The following LIMS1 variants were observed in gnomAD, a reference collection of about 807,000 sequenced individuals.
The protein encoded by LIMS1 is LIM zinc finger domain containing 1.
In LIMS1, 18 loss-of-function variants were observed where a neutral mutation model predicts 44.1. The observed-to-expected ratio is 0.41, with a 90% confidence interval of 0.28 to 0.61. LIMS1 has a LOEUF of 0.61. Among genes scored for constraint, LIMS1 ranks in the 20% least tolerant of loss-of-function variants. The probability of loss-of-function intolerance (pLI) is 0.32; values close to 1 mark genes in which losing one functional copy is unlikely to be tolerated. For missense variants in LIMS1, 201 were observed against 422.0 expected, an observed-to-expected ratio of 0.48 and a Z score of 4.59; for synonymous variants, 93 against 149.1, an observed-to-expected ratio of 0.62 and a Z score of 2.74.
At chr2:108,677,737 C>T (rs891870678) in intron 7 of LIMS1, among the ~76,000 whole-genome samples, 2 of 152,192 alleles carry the variant, frequency 1.3e-5, no homozygotes, top group Admixed American at 6.5e-5. Context: ...CATATGGACT[C>T]ACAGATTTCT....
At chr2:108,552,190 GTA>G in intron 1 of LIMS1, among the ~76,000 whole-genome samples, 1 of 142,840 alleles carries the variant, frequency 7.0e-6, no homozygotes, top group African/African-American at 2.5e-5. Flanking sequence ...GTTTTATACA[GTA>G]TATATAAAAT....
chr2:108,649,481 A>AAATCATTATAAAT (rs1258660690), intron 1 of LIMS1, among the ~76,000 whole-genome samples: 1 of 152,220 alleles, frequency 6.6e-6, no homozygotes, highest in African/African-American at 2.4e-5. Context: ...CTGGGTATAT[A>AAATCATTATAAAT]CCCAAAGGAT....
chr2:108,566,445 A>G (rs1685291860), intron 1 of LIMS1, among the ~76,000 whole-genome samples: 1 of 152,152 alleles, frequency 6.6e-6, no homozygotes, highest in Non-Finnish European at 1.5e-5. Flanking sequence ...TAGATGAGGA[A>G]ACTGATTCTC....
intron 1 of LIMS1, chr2:108,654,978 G>A (rs1271452969): frequency 6.6e-7 from 1 of 1,525,436 alleles, no homozygotes; most frequent in African/African-American, 1.4e-5. Context: ...CAGTGGGAGT[G>A]ACCCTGGCTG....
chr2:108,668,036 A>G (rs994275527), intron 2 of LIMS1, among the ~76,000 whole-genome samples: 10 of 152,096 alleles, frequency 6.6e-5, no homozygotes, highest in African/African-American at 2.2e-4. Flanking sequence ...CAGCAGATAC[A>G]GAAGGCTGTT....
At chr2:108,641,278 A>T (rs551780532) in intron 1 of LIMS1, among the ~76,000 whole-genome samples, 1 of 152,334 alleles carries the variant, frequency 6.6e-6, no homozygotes, top group Middle Eastern at 3.4e-3. Flanking sequence ...TACAGTTAAG[A>T]TATCATAAAG....
chr2:108,635,278 A>G (rs1413117104), intron 1 of LIMS1, among the ~76,000 whole-genome samples: 1 of 151,902 alleles, frequency 6.6e-6, no homozygotes, highest in East Asian at 1.9e-4. Context: ...AAATACAAAA[A>G]TTAGCTGGGT....
At chr2:108,683,858 T>C (rs1320536291) in intron 9 of LIMS1, 27 bp from the exon 10 acceptor site, 1 of 1,194,826 alleles carries the variant, frequency 8.4e-7, no homozygotes, top group Non-Finnish European at 1.2e-6. Flanking sequence ...CACTAACTTC[T>C]TTTTTTTTAT....
At chr2:108,644,182 G>A (rs758818961) in intron 1 of LIMS1, among the ~76,000 whole-genome samples, 2 of 152,150 alleles carry the variant, frequency 1.3e-5, no homozygotes, top group African/African-American at 2.4e-5. Flanking sequence ...GCCTCCTCAA[G>A]TGGGTCCCTG....
chr2:108,552,585 G>GGGGTGTGTGTGTGTGT (rs896993452), intron 1 of LIMS1, among the ~76,000 whole-genome samples: 1 of 101,872 alleles, frequency 9.8e-6, no homozygotes, highest in African/African-American at 3.0e-5. Context: ...ATATATTTTG[G>GGGGTGTGTGTGTGTGT]GTGTGTGTGT....
At chr2:108,587,072 C>T (rs927450054) in intron 1 of LIMS1, among the ~76,000 whole-genome samples, 1 of 152,156 alleles carries the variant, frequency 6.6e-6, no homozygotes. Context: ...TGAGGTTCCC[C>T]CAGGAGTGCT....
At chr2:108,551,210 C>T (rs974958866) in intron 1 of LIMS1, among the ~76,000 whole-genome samples, 1 of 151,172 alleles carries the variant, frequency 6.6e-6, no homozygotes, top group Non-Finnish European at 1.5e-5. Flanking sequence ...GTGTATAAGG[C>T]TTTTATGTAT....
At position 108,612,848 on chromosome 2, in the gene LIMS1, C is replaced by T. The variant is rs888681863; in HGVS notation, c.33-46757C>T. 2.6e-5 allele frequency among the ~76,000 whole-genome samples: 4 copies of T among 152,108 alleles called. No individual in the cohort carries two copies. In the East Asian group the frequency reaches 5.8e-4, roughly 22 times the overall value. ...TCCGGGGCTTGCGCTGCGGCTCCTG[C>T]GCCTGTCATGCACCCAGTTTCCCAG... On this transcript the variant is annotated intron_variant, in intron 1 of 9. Transcript: ENST00000544547.
In LIMS1 at chr2:108,551,606, A is replaced by ATGTATATATG. The variant is rs1450177334; in HGVS notation, c.32+17021_32+17022insGTGTATATAT. The stretch of plus-strand genomic sequence containing the variant: ...TCCAAGGCATGGTTCCTATATATAT[A>ATGTATATATG]TGTATATATATGTATATATGTGTAT... On this transcript the variant is annotated intron_variant, in intron 1 of 9. Transcript: ENST00000544547. 7.6e-3 allele frequency among the ~76,000 whole-genome samples: 1,052 copies of ATGTATATATG among 138,906 alleles called. 9 individuals carry two copies. The highest frequency in any genetic ancestry group is 0.011 in the Non-Finnish European group (720 of 66,250). 91.1% of individuals were successfully genotyped at this position (138,906 alleles called of 152,430 possible).
chr2:108,657,263 AT>A (rs1690936294), intron 1 of LIMS1, among the ~76,000 whole-genome samples: 2 of 149,468 alleles, frequency 1.3e-5, no homozygotes, highest in African/African-American at 4.9e-5. Context: ...AAAACGACTG[AT>A]TTAGGTGATA....
intron 1 of LIMS1, among the ~76,000 whole-genome samples, chr2:108,611,784 G>A (rs1687617805): frequency 6.7e-6 from 1 of 149,224 alleles, no homozygotes; most frequent in Non-Finnish European, 1.5e-5. Flanking sequence ...AGGCTGAGGT[G>A]GGAGGATTGC....
At chr2:108,680,146 G>T (rs1417312379) in intron 8 of LIMS1, among the ~76,000 whole-genome samples, 2 of 151,780 alleles carry the variant, frequency 1.3e-5, no homozygotes, top group Admixed American at 6.6e-5. Flanking sequence ...CAAGACGGGC[G>T]GATCACAAGG....
At chr2:108,636,703 C>G (rs945027109) in intron 1 of LIMS1, among the ~76,000 whole-genome samples, 2 of 152,208 alleles carry the variant, frequency 1.3e-5, no homozygotes, top group Non-Finnish European at 2.9e-5. Flanking sequence ...TAGAATACCA[C>G]TTTTTGAGAA....
rs1010396946 is a variant in LIMS1, at chr2:108,637,213, C to G, written c.33-22392C>G. 8.6e-5 allele frequency among the ~76,000 whole-genome samples: 13 copies of G among 150,758 alleles called. No homozygotes were observed. The South Asian group carries it at 2.1e-3, about 24-fold the overall frequency. The stretch of plus-strand genomic sequence containing the variant: ...GCTGTTTAATGCAGTAAAATCTACA[C>G]AAAACATGTTCTGTGTCAAAAAGAA... On this transcript the variant is annotated intron_variant, in intron 1 of 9. Transcript: ENST00000544547.
Sources: allele counts gnomAD v4.1 joint callset (sites outside exome capture counted in the v4.1 genomes callset), GRCh38; gene constraint gnomAD v4.1.1; transcripts MANE v1.5; gene names NCBI Gene and HGNC (gene_info 2026-07-23, HGNC 2026-07-21).